Variants in CHI3L2 observed in about 807,000 individuals in gnomAD.
CHI3L2 encodes the protein chitinase-3-like protein 2.
In CHI3L2, 47 loss-of-function variants were observed where a neutral mutation model predicts 47.3. The ratio of observed to expected loss-of-function variants is 0.99; its 90% confidence interval spans 0.79 to 1.27. The LOEUF is 1.27. CHI3L2 is among the 50% of genes most tolerant of loss of function. CHI3L2 has a pLI of 0.00. For missense variants in CHI3L2, 497 were observed against 462.1 expected, an observed-to-expected ratio of 1.08 and a Z score of -0.69; for synonymous variants, 198 against 169.9, an observed-to-expected ratio of 1.17 and a Z score of -1.28.
chr1:111,230,837 T>C lies in CHI3L2; in HGVS notation c.166T>C (p.Cys56Arg). 6.2e-7 allele frequency: 1 copy of C among 1,614,146 alleles called. No individual in the cohort carries two copies. The highest frequency in any genetic ancestry group is 1.1e-5 in the South Asian group (1 of 91,084). The change falls in exon 3 of 11, where the codon TGC becomes CGC. Residue 56 changes from cysteine to arginine, a missense_variant. Physicochemically the swap from Cys to Arg is radical, Grantham distance 180 (BLOSUM62 -3). Coordinates refer to ENST00000369748, the MANE Select transcript of CHI3L2 (RefSeq NM_004000.3). ...FTPENIDPFLCSHLIYSFASI... is the reference protein window; with the variant it reads ...FTPENIDPFLRSHLIYSFASI... ...CCCTGAGAATATTGACCCCTTCCTA[T>C]GCTCTCATCTCATCTATTCATTCGC...
At chr1:111,236,280 G>C in intron 7 of CHI3L2, 127 bp downstream of exon 7, 3 of 1,005,972 alleles carry the variant, frequency 3.0e-6, no homozygotes, top group Non-Finnish European at 4.3e-6. Context: ...GAATTGGGTA[G>C]CCCCAGGAGC....
Position 111,239,077 on chromosome 1 carries a change from C to T in CHI3L2, c.918+145C>T, listed in dbSNP as rs562741486. On this transcript the variant is annotated intron_variant, in intron 8 of 10. Coordinates refer to ENST00000369748, the MANE Select transcript of CHI3L2 (RefSeq NM_004000.3). ...CTGAACATGTGAGGGGATCTCCTAACTCTGGGTTGGGAGAGGGTCAGGGAA... is the reference window on the plus strand; with the variant it reads ...CTGAACATGTGAGGGGATCTCCTAATTCTGGGTTGGGAGAGGGTCAGGGAA... 3.5e-4 allele frequency: 272 copies of T among 785,476 alleles called. 7 individuals carry two copies. In the South Asian group the frequency reaches 6.2e-3, roughly 18 times the overall value. 48.7% of individuals were successfully genotyped at this position (785,476 alleles called of 1,614,324 possible). A position where few individuals can be genotyped will look rare whatever the true frequency, so the allele number is the denominator to read the frequency against.
chr1:111,243,436 A>G lies in CHI3L2; in HGVS notation c.*222A>G, dbSNP rs1332638442. The G allele has an allele frequency of 2.8e-6, 1 of 358,518 alleles. No homozygotes were observed. The highest frequency in any genetic ancestry group is 2.1e-5 in the African/African-American group (1 of 46,778). The allele number at this position is 358,518 out of a possible 1,614,324, so 22.2% of individuals were successfully genotyped here. On this transcript the variant is annotated 3_prime_UTR_variant, in exon 11 of 11. Coordinates refer to ENST00000369748, the MANE Select transcript of CHI3L2 (RefSeq NM_004000.3). The stretch of plus-strand genomic sequence containing the variant: ...CAATAAAAAAAATTCATTTTGCTCC[A>G]GTAAGTATGGCCTCATTTATTCAGT...
In CHI3L2 at chr1:111,234,960, T is replaced by A. The variant is rs767304273; in HGVS notation, c.383T>A (p.Ile128Lys). ...TCACGCTTGGAATTCATTAACTCCA[T>A]AATCCTGTTTCTGAGGAACCATAAC... The part of the protein sequence containing the change: ...STSRLEFINS[I>K]ILFLRNHNFD... Residue 128 changes from isoleucine to lysine, a missense_variant, in exon 5 of 11, where the codon ATA (isoleucine) becomes AAA (lysine). Transcript: ENST00000369748. 1 of 1,614,186 alleles carries A rather than the reference T, an allele frequency of 6.2e-7. No homozygotes were observed.
At chr1:111,236,191 G>A (rs547081222) in intron 7 of CHI3L2, 38 bp downstream of exon 7, 2 of 1,601,668 alleles carry the variant, frequency 1.2e-6, no homozygotes, top group African/African-American at 1.3e-5. Flanking sequence ...TACTGGCTGT[G>A]GGGGTGGGGC....
intron 7 of CHI3L2, among the ~76,000 whole-genome samples, chr1:111,238,478 T>A (rs1571230298): frequency 1.3e-5 from 2 of 152,214 alleles, no homozygotes. Context: ...ACAACCTTGA[T>A]TTCATGTTTT....
intron 1 of CHI3L2, among the ~76,000 whole-genome samples, 189 bp downstream of exon 1, chr1:111,227,958 C>T (rs1659575293): frequency 6.6e-6 from 1 of 152,208 alleles, no homozygotes. Flanking sequence ...GACAAAAATG[C>T]AGCAGTAGCC....
rs1484630330 is a variant in CHI3L2, at chr1:111,243,233, A to G, written c.*19A>G. 1.3e-5 allele frequency: 6 copies of G among 455,946 alleles called. No individual in the cohort carries two copies. In the Admixed American group the frequency reaches 1.4e-4, roughly 11 times the overall value. 28.2% of individuals were successfully genotyped at this position (455,946 alleles called of 1,614,324 possible). ...TGTTTCCAGGATTAACTTACAGAGA[A>G]GCAGGCAAGATGACCTTGCTGCCTG... On this transcript the variant is annotated 3_prime_UTR_variant, in exon 11 of 11. Coordinates refer to ENST00000369748, the MANE Select transcript of CHI3L2 (RefSeq NM_004000.3).
At position 111,230,937 on chromosome 1, in the gene CHI3L2, A is replaced by G. The variant is rs755275887; in HGVS notation, c.266A>G (p.Lys89Arg). ...CTCTACCAGACCATCAACAGTCTCA[A>G]AACCAAGTGAGTAAGATGGGGGTGG... ...VMLYQTINSL[K>R]TKNPKLKILL... The change falls in exon 3 of 11, where the codon AAA becomes AGA. Residue 89 changes from lysine (K) to arginine (R), a missense_variant. By Grantham distance (26) the Lys-to-Arg change is conservative. Transcript: ENST00000369748. 1.7e-5 allele frequency: 28 copies of G among 1,613,902 alleles called. No homozygotes were observed. In the South Asian group the frequency reaches 1.8e-4, roughly 10 times the overall value.
chr1:111,236,928 G>C (rs963141585), intron 7 of CHI3L2, among the ~76,000 whole-genome samples: 1 of 152,178 alleles, frequency 6.6e-6, no homozygotes, highest in East Asian at 1.9e-4. Context: ...GAAATCATAA[G>C]GGTTCAAAGT....
intron 2 of CHI3L2, among the ~76,000 whole-genome samples, chr1:111,230,261 TA>T (rs398103177): frequency 6.6e-6 from 1 of 151,898 alleles, no homozygotes. Flanking sequence ...TATTTTTTTT[TA>T]AATTTTTTTG....
intron 1 of CHI3L2, among the ~76,000 whole-genome samples, chr1:111,229,155 C>T (rs1659615984): frequency 6.6e-6 from 1 of 152,184 alleles, no homozygotes; most frequent in African/African-American, 2.4e-5. Context: ...ACTATATGGT[C>T]ACCCTACCTA....
chr1:111,241,492 G>A (rs762564801), intron 9 of CHI3L2, 49 bp downstream of exon 9: 2 of 929,758 alleles, frequency 2.2e-6, no homozygotes, highest in Non-Finnish European at 3.5e-6. Flanking sequence ...ATGGTGATAT[G>A]TAGTAAAATG....
intron 2 of CHI3L2, 107 bp downstream of exon 2, chr1:111,229,988 C>T: frequency 8.1e-7 from 1 of 1,236,568 alleles, no homozygotes; most frequent in South Asian, 1.3e-5. Flanking sequence ...TGATTACTCT[C>T]TCCGGTTCTG....
rs754805399 is a variant in CHI3L2 at position 111,241,206 on chromosome 1, C to G, written c.919-121C>G. On this transcript the variant is annotated intron_variant, in intron 8 of 10. Transcript: ENST00000369748. ...GTGGTCATTTCTCTCATTGTCTGAT[C>G]CTTGGGATAAAGGTTCTGATATTTT... 345 of 750,298 alleles carry G rather than the reference C, an allele frequency of 4.6e-4. 1 individual carries two copies. The highest frequency in any genetic ancestry group is 7.7e-4 in the Non-Finnish European group (312 of 404,566). The allele number at this position is 750,298 out of a possible 1,614,324, so 46.5% of individuals were successfully genotyped here.
chr1:111,239,602 G>A (rs1354178121), intron 8 of CHI3L2, among the ~76,000 whole-genome samples: 1 of 152,184 alleles, frequency 6.6e-6, no homozygotes, highest in Non-Finnish European at 1.5e-5. Flanking sequence ...CCAGATCTGT[G>A]CCAAAGACCT....
Position 111,236,131 on chromosome 1 carries a change from G to A in CHI3L2, c.713G>A (p.Gly238Glu). The A allele has an allele frequency of 6.2e-7, 1 of 1,614,168 alleles. No individual in the cohort carries two copies. The highest frequency in any genetic ancestry group is 8.5e-7 in the Non-Finnish European group (1 of 1,180,026). ...CTGAGCAAGGGGTGGCAGGACAGAG[G>A]GCCAAGCTCCTACTACAATGTGGTG... ...SPLSKGWQDRGPSSYYNVEYA... is the reference protein window; with the variant it reads ...SPLSKGWQDREPSSYYNVEYA... The change falls in exon 7 of 11, where the codon GGG becomes GAG. Residue 238 changes from glycine (G) to glutamate (E), a missense_variant. Transcript: ENST00000369748.
chr1:111,238,901 C>T lies in CHI3L2; in HGVS notation c.887C>T (p.Thr296Ile). 6.2e-7 allele frequency: 1 copy of T among 1,609,464 alleles called. No homozygotes were observed. The highest frequency in any genetic ancestry group is 8.5e-7 in the Non-Finnish European group (1 of 1,178,206). The stretch of plus-strand genomic sequence containing the variant: ...GGCCCTGGAGCTGCTGGACCCATCA[C>T]AGAGTCTTCAGGCTTCCTGGCCTAT... ...ASGPGAAGPI[T>I]ESSGFLAYYE... Residue 296 changes from threonine (T) to isoleucine (I), a missense_variant, in exon 8 of 11, where the codon ACA (threonine) becomes ATA (isoleucine). Transcript: ENST00000369748.
At chr1:111,240,459 A>G (rs1660013597) in intron 8 of CHI3L2, among the ~76,000 whole-genome samples, 1 of 152,144 alleles carries the variant, frequency 6.6e-6, no homozygotes, top group Admixed American at 6.5e-5. Flanking sequence ...AATATAAGGG[A>G]GAAGAGAGGT....
Sources: gnomAD v4.1 joint callset for allele counts (sites outside exome capture counted in the v4.1 genomes callset) on GRCh38, gnomAD v4.1.1 for gene constraint, MANE v1.5 for transcripts, NCBI Gene and HGNC (gene_info 2026-07-23, HGNC 2026-07-21) for gene names.